Variants in MCM3AP observed in about 807,000 individuals in gnomAD.
The protein encoded by MCM3AP is germinal-center associated nuclear protein.
MCM3AP carries 126 observed loss-of-function variants against 184.1 expected under a neutral mutation model. The ratio of observed to expected loss-of-function variants is 0.68; its 90% CI spans 0.59 to 0.79. MCM3AP has a LOEUF of 0.79. Ranked by LOEUF, MCM3AP falls within the 30% of genes least tolerant of loss-of-function variation. MCM3AP has a pLI of 0.00. For synonymous variants in MCM3AP, 1,002 were observed against 979.3 expected (o/e 1.02, Z -0.43); for missense variants, 2,496 against 2,479.2 (o/e 1.01, Z -0.14).
rs746278419 is a variant in MCM3AP at position 46,246,825 on chromosome 21, A to AG, written c.4351dup (p.Leu1451ProfsTer17). ...CAGCAGCATGAGCCCACTGGCTCCC[A>AG]GGAGGTCCTTCTGTGTCTCCACAGC... On this transcript the variant is annotated frameshift_variant, in exon 21 of 28. Coordinates refer to ENST00000291688, the MANE Select transcript of MCM3AP (RefSeq NM_003906.5). LOFTEE classifies it high-confidence loss of function. The AG allele has an allele frequency of 6.2e-7, 1 of 1,614,186 alleles. No homozygotes were observed. The highest frequency in any genetic ancestry group is 2.2e-5 in the East Asian group (1 of 44,880).
In MCM3AP at chr21:46,279,997, T is replaced by C; in HGVS notation, c.1663A>G (p.Lys555Glu). The change falls in exon 4 of 28, where the codon AAA becomes GAA. Residue 555 changes from lysine (K) to glutamate (E), a missense_variant. Coordinates refer to ENST00000291688, the MANE Select transcript of MCM3AP (RefSeq NM_003906.5). ...ATTAGGAGGGACCGATCCCACCTTT[T>C]ATTCAGGAGGCTGCTAGCACCAGTC... Reference protein sequence around the residue: ...GRTGASSLLNKSSPVKKPSLL... With the variant: ...GRTGASSLLNESSPVKKPSLL... 6.2e-7 allele frequency: 1 copy of C among 1,610,262 alleles called. No homozygotes were observed. The highest frequency in any genetic ancestry group is 8.5e-7 in the Non-Finnish European group (1 of 1,178,752).
intron 26 of MCM3AP, among the ~76,000 whole-genome samples, chr21:46,237,852 C>T (rs1289708469): frequency 8.7e-6 from 1 of 115,004 alleles, no homozygotes; most frequent in African/African-American, 3.5e-5. Context: ...GTAATCCCAA[C>T]ACTTTGGGAG....
At chr21:46,275,372 C>A in intron 5 of MCM3AP, 47 bp from the exon 6 acceptor site, 1 of 1,542,830 alleles carries the variant, frequency 6.5e-7, no homozygotes, top group Non-Finnish European at 8.8e-7. Context: ...ATGGTTAGCA[C>A]GAACCTACAG....
chr21:46,243,071 T>A, intron 24 of MCM3AP, 140 bp from the exon 25 acceptor site: 5 of 757,516 alleles, frequency 6.6e-6, no homozygotes, highest in Non-Finnish European at 8.4e-6. Flanking sequence ...TTAAATTCAC[T>A]GATTTAAGTG....
At chr21:46,250,552 C>A (rs377575831) in intron 20 of MCM3AP, 22 of 152,366 alleles carry the variant, frequency 1.4e-4, no homozygotes, top group African/African-American at 5.3e-4. Context: ...TGAAAGCCAG[C>A]TGCCATGCTG....
rs779924955 is a variant in MCM3AP at position 46,280,090 on chromosome 21, C to T, written c.1570G>A (p.Gly524Ser). ...FSLKEKKPGDGEVSPSTEDAP... is the reference protein window; with the variant it reads ...FSLKEKKPGDSEVSPSTEDAP... ...TCCTCTGTGCTCGGGCTGACTTCAC[C>T]GTCACCTGGTTTCTTCTCCTTCAGG... The change falls in exon 4 of 28, where the codon GGT becomes AGT. Residue 524 changes from glycine (G) to serine (S), a missense_variant. By Grantham distance (56) the Gly-to-Ser change is moderately conservative (BLOSUM62 0). This residue lies in a region of MCM3AP where 800 missense variants were observed against 717.1 expected (regional missense o/e 1.12). Coordinates refer to ENST00000291688, the MANE Select transcript of MCM3AP (RefSeq NM_003906.5). The T allele has an allele frequency of 1.1e-5, 17 of 1,614,046 alleles. No individual in the cohort carries two copies. Among genetic ancestry groups the T allele is most frequent in the African/African-American group, 2.7e-5 (2 of 74,924 alleles).
chr21:46,248,948 CAG>C (rs2080824835), intron 20 of MCM3AP, among the ~76,000 whole-genome samples: 1 of 152,126 alleles, frequency 6.6e-6, no homozygotes, highest in South Asian at 2.1e-4. Context: ...AGAAAAAAGA[CAG>C]AGTGTCATAA....
chr21:46,263,360 AC>A (rs1288642005), intron 13 of MCM3AP, among the ~76,000 whole-genome samples: 1 of 152,128 alleles, frequency 6.6e-6, no homozygotes, highest in Non-Finnish European at 1.5e-5. Context: ...AAACAAAAAA[AC>A]AATTTAACCT....
chr21:46,281,288 CACACAAAACCA>C, intron 2 of MCM3AP, among the ~76,000 whole-genome samples: 1 of 152,318 alleles, frequency 6.6e-6, no homozygotes, highest in East Asian at 1.9e-4. Flanking sequence ...ACAGAAAACA[CACACAAAACCA>C]ACCACGTTAG....
In MCM3AP at chr21:46,256,516, T is replaced by G; in HGVS notation, c.3932+273A>C. 8.0e-6 allele frequency: 4 copies of G among 499,988 alleles called. No homozygotes were observed. The East Asian group carries it at 1.3e-4, about 16-fold the overall frequency. The allele number at this position is 499,988 out of a possible 1,614,324, so 31.0% of individuals were successfully genotyped here. On this transcript the variant is annotated intron_variant, in intron 17 of 27. Coordinates refer to ENST00000291688, the MANE Select transcript of MCM3AP (RefSeq NM_003906.5). ...CTGGGACGAGCAGGAAAAGAACACG[T>G]GATGCAGAGTCAGACTCAGGCACCA...
intron 16 of MCM3AP, among the ~76,000 whole-genome samples, chr21:46,258,375 A>G (rs1341152218): frequency 7.9e-5 from 12 of 152,206 alleles, no homozygotes; most frequent in Admixed American, 7.9e-4. Context: ...ACTTACACCC[A>G]GTTGAGAAGT....
rs748384316 is a variant in MCM3AP at position 46,273,396 on chromosome 21, T to C, written c.2188A>G (p.Ile730Val). Residue 730 changes from isoleucine to valine, a missense_variant, in exon 7 of 28, where the codon ATA (isoleucine) becomes GTA (valine). Around this residue, in one of 5 missense-constraint regions of MCM3AP, gnomAD observed 130 missense variants for 199.8 expected, o/e 0.65. Transcript: ENST00000291688. ...TTGGAGGCAGCCAATACCTTCCGTA[T>C]GCCACGCGTGCGGTTCCACACGAAG... The part of the protein sequence containing the change: ...YDFVWNRTRG[I>V]RKDITQQHLC... 2 of 1,613,962 alleles carry C rather than the reference T, an allele frequency of 1.2e-6. No homozygotes were observed. Among genetic ancestry groups the C allele is most frequent in the Non-Finnish European group, 8.5e-7 (1 of 1,179,846 alleles).
chr21:46,260,745 G>T, intron 15 of MCM3AP, 48 bp downstream of exon 15: 1 of 1,362,542 alleles, frequency 7.3e-7, no homozygotes. Context: ...CTAGGGCAGA[G>T]CCAAAGCTCA....
In MCM3AP at chr21:46,285,058, G is replaced by C. The variant is rs758134844; in HGVS notation, c.229C>G (p.Gln77Glu). The C allele has an allele frequency of 5.0e-6, 8 of 1,614,200 alleles. No homozygotes were observed. The highest frequency in any genetic ancestry group is 4.5e-5 in the East Asian group (2 of 44,890). Residue 77 changes from glutamine (Q) to glutamate (E), a missense_variant, in exon 1 of 28, where the codon CAA becomes GAA. Physicochemically the swap from Gln to Glu is conservative, Grantham distance 29. Coordinates refer to ENST00000291688, the MANE Select transcript of MCM3AP (RefSeq NM_003906.5). ...GAAAAGGGTCCAACACTTGAGGTTT[G>C]GGTGAACCCTAATGTTTGCACTGAA... ...SSSVQTLGFT[Q>E]TSSVGPFSGL...
At chr21:46,255,422 T>G (rs2080935438) in intron 17 of MCM3AP, among the ~76,000 whole-genome samples, 1 of 149,426 alleles carries the variant, frequency 6.7e-6, no homozygotes, top group African/African-American at 2.5e-5. Flanking sequence ...TGTTGGAGGA[T>G]CCCTCTGTTG....
chr21:46,259,348 C>T (rs1340748585), intron 15 of MCM3AP: 4 of 262,564 alleles, frequency 1.5e-5, no homozygotes, highest in South Asian at 6.2e-5. Context: ...CCCAGCTACT[C>T]GGGAGGCTGA....
chr21:46,280,082 G>A lies in MCM3AP; in HGVS notation c.1578C>T (p.Val526=). 1 of 1,614,190 alleles carries A rather than the reference G, an allele frequency of 6.2e-7. No individual in the cohort carries two copies. Among genetic ancestry groups the A allele is most frequent in the Non-Finnish European group, 8.5e-7 (1 of 1,180,030 alleles). The change falls in exon 4 of 28, where the codon GTC becomes GTT. Residue 526 remains valine (V), a synonymous_variant. Transcript: ENST00000291688. ...AGGGTGCATCCTCTGTGCTCGGGCT[G>A]ACTTCACCGTCACCTGGTTTCTTCT... ...LKEKKPGDGE[V]SPSTEDAPFQ...
intron 13 of MCM3AP, 142 bp from the exon 14 acceptor site, chr21:46,261,553 T>G: frequency 1.4e-6 from 1 of 696,760 alleles, no homozygotes; most frequent in Non-Finnish European, 2.4e-6. Flanking sequence ...GCCAACACAG[T>G]GAAACCCCAT....
intron 17 of MCM3AP, among the ~76,000 whole-genome samples, chr21:46,255,380 C>T (rs768850356): frequency 2.0e-5 from 3 of 151,932 alleles, no homozygotes; most frequent in South Asian, 2.1e-4. Context: ...GCGCTAGGGA[C>T]GCCGCCGAGA....
Sources: gnomAD v4.1 joint callset for allele counts (sites outside exome capture counted in the v4.1 genomes callset) on GRCh38, gnomAD v4.1.1 for gene constraint, gnomAD v4.1.1 regional missense constraint, MANE v1.5 for transcripts, NCBI Gene and HGNC (gene_info 2026-07-23, HGNC 2026-07-21) for gene names.